The following LSM1 variants were observed in gnomAD, a reference collection of about 807,000 sequenced individuals.
The protein encoded by LSM1 is LSM1 homolog, mRNA degradation associated.
A neutral mutation model predicts 18.0 loss-of-function variants in LSM1; 13 were observed. The ratio of observed to expected loss-of-function variants is 0.72; its 90% CI spans 0.47 to 1.15. LSM1 has a LOEUF of 1.15. Among genes scored for constraint, LSM1 ranks in the 50% most tolerant of loss-of-function variants. LSM1 has a pLI of 0.00. For synonymous variants in LSM1, 46 were observed against 56.0 expected (o/e 0.82, Z 0.80); for missense variants, 152 against 157.7 (o/e 0.96, Z 0.19).
intron 3 of LSM1, 135 bp downstream of exon 3, chr8:38,169,667 A>C: frequency 1.8e-6 from 1 of 557,658 alleles, no homozygotes; most frequent in Non-Finnish European, 3.2e-6. Flanking sequence ...TAGCTTCCCT[A>C]AATTAATTTG....
At chr8:38,167,340 A>G (rs1040064653) in intron 3 of LSM1, among the ~76,000 whole-genome samples, 2 of 152,200 alleles carry the variant, frequency 1.3e-5, no homozygotes, top group Non-Finnish European at 1.5e-5. Context: ...AAACAGAAGC[A>G]TATCTGTGAA....
chr8:38,165,742 G>A (rs922358605), intron 3 of LSM1, among the ~76,000 whole-genome samples: 21 of 151,718 alleles, frequency 1.4e-4, no homozygotes, highest in African/African-American at 3.9e-4. Context: ...TTAGCTGGGC[G>A]TGGTAACGTG....
At chr8:38,174,213 A>G (rs1803077358) in intron 1 of LSM1, among the ~76,000 whole-genome samples, 1 of 152,224 alleles carries the variant, frequency 6.6e-6, no homozygotes, top group Admixed American at 6.5e-5. Flanking sequence ...GGGCATATGA[A>G]GAGAACGGAG....
At chr8:38,164,370 A>C (rs550918142) in intron 3 of LSM1, among the ~76,000 whole-genome samples, 24 of 152,268 alleles carry the variant, frequency 1.6e-4, no homozygotes, top group African/African-American at 5.1e-4. Context: ...TATGTGATCC[A>C]AAATCCCATA....
At chr8:38,168,109 C>T (rs1802968235) in intron 3 of LSM1, among the ~76,000 whole-genome samples, 1 of 151,714 alleles carries the variant, frequency 6.6e-6, no homozygotes, top group Admixed American at 6.6e-5. Flanking sequence ...CTACAGGCGC[C>T]CGCCACCACA....
chr8:38,170,277 T>G (rs1320858377), intron 2 of LSM1, among the ~76,000 whole-genome samples: 2 of 152,208 alleles, frequency 1.3e-5, no homozygotes, highest in African/African-American at 4.8e-5. Flanking sequence ...GGCCTTGTGA[T>G]CCGCCCACCT....
intron 3 of LSM1, among the ~76,000 whole-genome samples, chr8:38,164,510 T>C (rs988380014): frequency 2.0e-5 from 3 of 148,982 alleles, no homozygotes; most frequent in Non-Finnish European, 4.4e-5. Flanking sequence ...AATGTGGCCT[T>C]AGACTTTTTT....
At chr8:38,167,825 G>A (rs1041180146) in intron 3 of LSM1, among the ~76,000 whole-genome samples, 4 of 152,064 alleles carry the variant, frequency 2.6e-5, no homozygotes, top group African/African-American at 7.2e-5. Context: ...GAGACAGGAG[G>A]ATTGCCTAAG....
chr8:38,170,242 T>C (rs925390668), intron 2 of LSM1, among the ~76,000 whole-genome samples: 4 of 152,184 alleles, frequency 2.6e-5, no homozygotes, highest in African/African-American at 9.7e-5. Flanking sequence ...GATCACCACA[T>C]TGGCCAGGCT....
chr8:38,165,752 GTACC>G (rs951198796), intron 3 of LSM1, among the ~76,000 whole-genome samples: 16 of 151,618 alleles, frequency 1.1e-4, no homozygotes, highest in Admixed American at 3.9e-4. Context: ...GTGGTAACGT[GTACC>G]TATAGTCCCA....
At chr8:38,165,224 G>T (rs539027726) in intron 3 of LSM1, among the ~76,000 whole-genome samples, 1 of 152,138 alleles carries the variant, frequency 6.6e-6, no homozygotes, top group South Asian at 2.1e-4. Flanking sequence ...GTGGTGGCAG[G>T]TGCCTGTAAT....
At chr8:38,174,785 G>A (rs1018638555) in intron 1 of LSM1, among the ~76,000 whole-genome samples, 1 of 152,060 alleles carries the variant, frequency 6.6e-6, no homozygotes, top group Non-Finnish European at 1.5e-5. Context: ...TACTCTGGGA[G>A]GCCGAGGTGG....
intron 1 of LSM1, among the ~76,000 whole-genome samples, chr8:38,175,225 CACCGCCA>C (rs1803108261): frequency 6.6e-6 from 1 of 151,662 alleles, no homozygotes; most frequent in Non-Finnish European, 1.5e-5. Flanking sequence ...GGATTACAGG[CACCGCCA>C]TAGTGCCCAG....
intron 1 of LSM1, among the ~76,000 whole-genome samples, chr8:38,175,321 G>A (rs1432987742): frequency 6.6e-6 from 1 of 152,006 alleles, no homozygotes; most frequent in Admixed American, 6.5e-5. Flanking sequence ...GCCCGCCTCG[G>A]CCCCCCAAAG....
rs539346143 is a variant in LSM1, at chr8:38,169,714, T to G, written c.231+88A>C. On this transcript the variant is annotated intron_variant, in intron 3 of 3. Coordinates refer to ENST00000311351, the MANE Select transcript of LSM1 (RefSeq NM_014462.3). ...GGAGAAGCCAGATAAATGTGGAGAATATTTTTATTCTCTTTTGAAAAGACA... is the reference window on the plus strand; with the variant it reads ...GGAGAAGCCAGATAAATGTGGAGAAGATTTTTATTCTCTTTTGAAAAGACA... 6.8e-6 allele frequency: 5 copies of G among 730,842 alleles called. No homozygotes were observed. The African/African-American group carries it at 9.0e-5, about 13-fold the overall frequency. 45.3% of individuals were successfully genotyped at this position (730,842 alleles called of 1,614,324 possible). A position where few individuals can be genotyped will look rare whatever the true frequency, so the allele number is the denominator to read the frequency against.
intron 3 of LSM1, among the ~76,000 whole-genome samples, chr8:38,164,513 ACT>A (rs1491532993): frequency 1.4e-5 from 2 of 144,648 alleles, no homozygotes; most frequent in African/African-American, 5.3e-5. Flanking sequence ...GTGGCCTTAG[ACT>A]TTTTTTTTTT....
chr8:38,169,148 C>A (rs1802984488), intron 3 of LSM1, among the ~76,000 whole-genome samples: 1 of 151,970 alleles, frequency 6.6e-6, no homozygotes, highest in Non-Finnish European at 1.5e-5. Flanking sequence ...AAGATGAAAT[C>A]AAAGGTTTTA....
intron 3 of LSM1, among the ~76,000 whole-genome samples, chr8:38,169,409 C>A (rs1447165512): frequency 6.6e-6 from 1 of 152,176 alleles, no homozygotes; most frequent in Non-Finnish European, 1.5e-5. Context: ...CTTTCCCTTT[C>A]CCCCTTTACT....
chr8:38,164,602 A>C (rs992911019), intron 3 of LSM1, among the ~76,000 whole-genome samples: 2 of 151,292 alleles, frequency 1.3e-5, no homozygotes, highest in African/African-American at 4.9e-5. Context: ...TGGGAGGATC[A>C]CTTGGGCCTA....
Sources: gnomAD v4.1 joint callset for allele counts (sites outside exome capture counted in the v4.1 genomes callset) on GRCh38, gnomAD v4.1.1 for gene constraint, MANE v1.5 for transcripts, NCBI Gene and HGNC (gene_info 2026-07-23, HGNC 2026-07-21) for gene names.